Variants in DAP3 observed in about 807,000 individuals in gnomAD.
DAP3 encodes death associated protein 3, also known as small ribosomal subunit protein mS29.
In DAP3, 28 loss-of-function variants were observed where a neutral mutation model predicts 51.9. That is an observed-to-expected ratio of 0.54 (90% confidence interval 0.40 to 0.74). DAP3 has a LOEUF of 0.74. Ranked by LOEUF, DAP3 falls within the 30% of genes least tolerant of loss-of-function variation. DAP3 has a pLI of 0.00. For synonymous variants in DAP3, 170 were observed against 170.3 expected (o/e 1.00, Z 0.01); for missense variants, 458 against 483.5 (o/e 0.95, Z 0.49).
In DAP3 at chr1:155,699,516, C is replaced by G. The variant is rs539080000; in HGVS notation, c.-7-10257C>G. On this transcript the variant is annotated intron_variant, in intron 1 of 12. Coordinates refer to ENST00000368336, the MANE Select transcript of DAP3 (RefSeq NM_004632.4). ...ATGCAGGCACCCCATGAGCCTTTTT[C>G]CCAACGCTTAATGACTAGTAATGTT... is the stretch of plus-strand genomic sequence containing the variant. Among the ~76,000 whole-genome samples the G allele has an allele frequency of 1.4e-3, 219 of 152,302 alleles. 2 individuals carry two copies. Among genetic ancestry groups the G allele is most frequent in the South Asian group, 0.013 (65 of 4,826 alleles).
chr1:155,728,549 G>A (rs567235938), intron 7 of DAP3, among the ~76,000 whole-genome samples: 133 of 151,870 alleles, frequency 8.8e-4, no homozygotes, highest in Middle Eastern at 3.4e-3. Context: ...GTAACAGAGC[G>A]AGATATGGTC....
rs377474444 is a variant in DAP3 at position 155,717,108 on chromosome 1, C to T, written c.148C>T (p.Arg50Cys). 1.8e-5 allele frequency: 29 copies of T among 1,613,946 alleles called. No homozygotes were observed. Among genetic ancestry groups the T allele is most frequent in the South Asian group, 7.7e-5 (7 of 91,086 alleles). The change falls in exon 3 of 13, where the codon CGC becomes TGC. Residue 50 changes from arginine to cysteine, a missense_variant. Arg to Cys is a radical substitution (Grantham distance 180). Transcript: ENST00000368336. ...AGTTGAGAGTCCGAGAGCTATTTCC[C>T]GCACCAATGAGAATGACCCGGTGAG... is the stretch of plus-strand genomic sequence containing the variant. ...VPVESPRAIS[R>C]TNENDPAKHG...
chr1:155,717,526 A>G (rs1032119025), intron 3 of DAP3, among the ~76,000 whole-genome samples: 1 of 152,220 alleles, frequency 6.6e-6, no homozygotes, highest in Non-Finnish European at 1.5e-5. Flanking sequence ...TTTCAGGCCG[A>G]TGGACTGAGA....
At chr1:155,709,363 C>A (rs1375127122) in intron 1 of DAP3, among the ~76,000 whole-genome samples, 3 of 152,102 alleles carry the variant, frequency 2.0e-5, no homozygotes, top group Admixed American at 6.6e-5. Flanking sequence ...TGAGGCCAGT[C>A]TTGAACTCCT....
chr1:155,727,691 A>C lies in DAP3; in HGVS notation c.556A>C (p.Thr186Pro). 1 of 1,613,864 alleles carries C rather than the reference A, an allele frequency of 6.2e-7. No homozygotes were observed. The highest frequency in any genetic ancestry group is 8.5e-7 in the Non-Finnish European group (1 of 1,179,918). The change falls in exon 7 of 13, where the codon ACC becomes CCC. Residue 186 changes from threonine (T) to proline (P), a missense_variant. By Grantham distance (38) the Thr-to-Pro change is conservative (BLOSUM62 -1). Coordinates refer to ENST00000368336, the MANE Select transcript of DAP3 (RefSeq NM_004632.4). ...QRFDQPLEAS[T>P]WLKNFKTTNE... is the part of the protein sequence containing the mutation. ...CTTTGATCAACCTTTAGAGGCTTCA[A>C]CCTGGCTGAAGAATTTCAAAACTAC... is the stretch of plus-strand genomic sequence containing the variant.
intron 4 of DAP3, among the ~76,000 whole-genome samples, chr1:155,723,234 C>T (rs565249115): frequency 6.6e-6 from 1 of 152,266 alleles, no homozygotes; most frequent in South Asian, 2.1e-4. Context: ...GCCCACAGCA[C>T]ACTCTACATC....
rs1490179462 is a variant in DAP3, at chr1:155,691,927, C to G, written c.-8+2753C>G. Among the ~76,000 whole-genome samples, 15 of 141,300 alleles carry G rather than the reference C, an allele frequency of 1.1e-4. 4 individuals are homozygous for G. Among genetic ancestry groups the G allele is most frequent in the African/African-American group, 4.5e-4 (14 of 30,930 alleles). The allele number at this position is 141,300 out of a possible 152,430, so 92.7% of individuals were successfully genotyped here. On this transcript the variant is annotated intron_variant, in intron 1 of 12. Coordinates refer to ENST00000368336, the MANE Select transcript of DAP3 (RefSeq NM_004632.4). ...GGTTAAGTGTTCATAAAGGTGGGAGCCAGGGGGCCAGTTGCAAAATGGAGG... is the reference window on the plus strand; with the variant it reads ...GGTTAAGTGTTCATAAAGGTGGGAGGCAGGGGGCCAGTTGCAAAATGGAGG...
At chr1:155,722,882 C>T (rs1009203784) in intron 4 of DAP3, among the ~76,000 whole-genome samples, 1 of 152,162 alleles carries the variant, frequency 6.6e-6, no homozygotes, top group Non-Finnish European at 1.5e-5. Context: ...ATACACAGTA[C>T]AATGTTTATT....
intron 11 of DAP3, among the ~76,000 whole-genome samples, chr1:155,734,584 T>C (rs896527065): frequency 2.0e-5 from 3 of 152,184 alleles, no homozygotes; most frequent in Non-Finnish European, 2.9e-5. Flanking sequence ...CCAAAGAGCA[T>C]TGGCTTATTT....
chr1:155,730,620 A>C (rs1659142228), intron 9 of DAP3, among the ~76,000 whole-genome samples: 1 of 152,164 alleles, frequency 6.6e-6, no homozygotes, highest in East Asian at 1.9e-4. Flanking sequence ...TGTCTCAAAA[A>C]AATAAAAAAA....
chr1:155,694,172 G>A (rs1654220889), intron 1 of DAP3, among the ~76,000 whole-genome samples: 1 of 141,176 alleles, frequency 7.1e-6, no homozygotes, highest in Admixed American at 6.6e-5. Flanking sequence ...ACTAGCCAAT[G>A]TTGTCCGTAG....
At chr1:155,717,222 T>A in intron 3 of DAP3, 94 bp downstream of exon 3, 1 of 1,558,592 alleles carries the variant, frequency 6.4e-7, no homozygotes. Flanking sequence ...GAAAGAAGCT[T>A]AGTAGATTTG....
intron 3 of DAP3, among the ~76,000 whole-genome samples, chr1:155,718,361 G>A (rs751344549): frequency 5.9e-5 from 9 of 152,018 alleles, no homozygotes; most frequent in African/African-American, 9.7e-5. Flanking sequence ...ACTCCAGGCT[G>A]GGCAAGAGAG....
intron 4 of DAP3, among the ~76,000 whole-genome samples, chr1:155,722,986 T>G (rs1450747750): frequency 6.6e-6 from 1 of 152,102 alleles, no homozygotes; most frequent in Non-Finnish European, 1.5e-5. Context: ...AACTTACAGG[T>G]TCTTTTCATA....
chr1:155,689,548 G>A (rs1338781959), intron 1 of DAP3: 2 of 388,382 alleles, frequency 5.1e-6, no homozygotes, highest in Non-Finnish European at 1.0e-5. Context: ...AGTTATTTTT[G>A]TTAGTTCCTT....
intron 11 of DAP3, among the ~76,000 whole-genome samples, chr1:155,736,401 GCCT>G (rs1199509184): frequency 3.3e-5 from 5 of 152,084 alleles, no homozygotes; most frequent in African/African-American, 7.2e-5. Context: ...AGTAGCATCC[GCCT>G]CCTCAAGCAT....
rs1044765512 is a variant in DAP3, at chr1:155,738,383, G to A, written c.*141G>A. On this transcript the variant is annotated 3_prime_UTR_variant, in exon 13 of 13. Coordinates refer to ENST00000368336, the MANE Select transcript of DAP3 (RefSeq NM_004632.4). ...TTGGACAGGACTGCAGTTGGCTCTG[G>A]ACCTGCATTAAAATGGGTTTCACTG... is the stretch of plus-strand genomic sequence containing the variant. The A allele has an allele frequency of 2.6e-5, 19 of 722,664 alleles. No homozygotes were observed. The highest frequency in any genetic ancestry group is 3.7e-5 in the Non-Finnish European group (17 of 459,184). 44.8% of individuals were successfully genotyped at this position (722,664 alleles called of 1,614,324 possible).
chr1:155,719,861 T>C (rs1396263171), intron 3 of DAP3, among the ~76,000 whole-genome samples: 1 of 152,082 alleles, frequency 6.6e-6, no homozygotes, highest in Non-Finnish European at 1.5e-5. Context: ...GTTTTTCAAT[T>C]AGCAGTGCAT....
chr1:155,715,399 G>A (rs1657208582), intron 2 of DAP3, among the ~76,000 whole-genome samples: 1 of 151,998 alleles, frequency 6.6e-6, no homozygotes, highest in Non-Finnish European at 1.5e-5. Flanking sequence ...GCATGCACCT[G>A]TAGTCCCAGC....
Sources: gnomAD v4.1 joint callset for allele counts (sites outside exome capture counted in the v4.1 genomes callset) on GRCh38, gnomAD v4.1.1 for gene constraint, MANE v1.5 for transcripts, NCBI Gene and HGNC (gene_info 2026-07-23, HGNC 2026-07-21) for gene names.